DNASE1L2: variants seen among roughly 807,000 people sequenced by gnomAD.
DNASE1L2 encodes deoxyribonuclease-1-like 2.
In DNASE1L2, 35 loss-of-function variants were observed where a neutral mutation model predicts 31.8. The observed-to-expected ratio is 1.10, with a 90% CI of 0.84 to 1.46. DNASE1L2 has a LOEUF of 1.46. Among genes scored for constraint, DNASE1L2 ranks in the 40% most tolerant of loss-of-function variants. DNASE1L2 has a pLI of 0.00. For missense variants in DNASE1L2, 504 were observed against 418.8 expected (o/e 1.20, Z -1.77); for synonymous variants, 211 against 186.5 (o/e 1.13, Z -1.07).
At position 2,238,355 on chromosome 16, in the gene DNASE1L2, C is replaced by A. The variant is rs772453275; in HGVS notation, c.844-7C>A. 6.8e-6 allele frequency: 11 copies of A among 1,613,298 alleles called. No individual in the cohort carries two copies. In the South Asian group the frequency reaches 1.1e-4, roughly 16 times the overall value. Reference sequence around the variant, plus strand: ...CTTTTCCCCTGAGGCTCACTCTGTCCCCACAGGCTCTTGCCATCAGCGACC... The same window carrying A: ...CTTTTCCCCTGAGGCTCACTCTGTCACCACAGGCTCTTGCCATCAGCGACC... On this transcript the variant is annotated splice_polypyrimidine_tract_variant and splice_region_variant and intron_variant, in intron 6 of 6. Coordinates refer to ENST00000320700, the MANE Select transcript of DNASE1L2 (RefSeq NM_001374.3).
At chr16:2,237,176 C>T (rs778439495) in intron 3 of DNASE1L2, 42 bp from the exon 4 acceptor site, 7 of 1,549,720 alleles carry the variant, frequency 4.5e-6, no homozygotes, top group African/African-American at 2.7e-5. Flanking sequence ...GATCTCGCCC[C>T]GGCGCGGCGC....
Position 2,238,539 on chromosome 16 carries a change from T to TA in DNASE1L2, c.*121_*122insA, listed in dbSNP as rs2093519938. On this transcript the variant is annotated 3_prime_UTR_variant, in exon 7 of 7. Transcript: ENST00000320700. ...GCCCCAAGGCAGAGTCGGCTGGGCG[T>TA]GGACCAGGGGCCATGGACACGTGAT... 3.3e-6 allele frequency: 4 copies of TA among 1,229,242 alleles called. No individual in the cohort carries two copies. Among genetic ancestry groups the TA allele is most frequent in the Non-Finnish European group, 4.7e-6 (4 of 848,102 alleles). The allele number at this position is 1,229,242 out of a possible 1,614,324, so 76.1% of individuals were successfully genotyped here.
In DNASE1L2 at chr16:2,236,546, G is replaced by C; in HGVS notation, c.-54G>C. 16 of 1,248,646 alleles carry C rather than the reference G, an allele frequency of 1.3e-5. No homozygotes were observed. The highest frequency in any genetic ancestry group is 1.5e-5 in the Non-Finnish European group (15 of 997,564). 77.3% of individuals were successfully genotyped at this position (1,248,646 alleles called of 1,614,324 possible). A position where few individuals can be genotyped will look rare whatever the true frequency, so the allele number is the denominator to read the frequency against. Reference sequence around the variant, plus strand: ...TAGGATCTCTGAGCCTCGGGCCTCTGCACCCACATCCAAGGTGAGTCTCTC... The same window carrying C: ...TAGGATCTCTGAGCCTCGGGCCTCTCCACCCACATCCAAGGTGAGTCTCTC... On this transcript the variant is annotated 5_prime_UTR_variant, in exon 1 of 7. Coordinates refer to ENST00000320700, the MANE Select transcript of DNASE1L2 (RefSeq NM_001374.3).
intron 3 of DNASE1L2, 41 bp from the exon 4 acceptor site, chr16:2,237,177 G>T: frequency 6.5e-7 from 1 of 1,549,900 alleles, no homozygotes; most frequent in South Asian, 1.2e-5. Context: ...ATCTCGCCCC[G>T]GCGCGGCGCC....
chr16:2,236,588 G>A, intron 1 of DNASE1L2, 28 bp downstream of exon 1: 2 of 1,318,798 alleles, frequency 1.5e-6, no homozygotes, highest in Non-Finnish European at 1.9e-6. Context: ...CCTGAGCTGG[G>A]GCTGGATGGG....
In DNASE1L2 at chr16:2,238,530, G is replaced by C. The variant is rs1002232838; in HGVS notation, c.*112G>C. ...TTCAGTGAGGCCCCAAGGCAGAGTC[G>C]GCTGGGCGTGGACCAGGGGCCATGG... On this transcript the variant is annotated 3_prime_UTR_variant, in exon 7 of 7. Coordinates refer to ENST00000320700, the MANE Select transcript of DNASE1L2 (RefSeq NM_001374.3). The C allele has an allele frequency of 1.8e-5, 23 of 1,312,220 alleles. No individual in the cohort carries two copies. In the African/African-American group the frequency reaches 3.1e-4, roughly 17 times the overall value. 81.3% of individuals were successfully genotyped at this position (1,312,220 alleles called of 1,614,324 possible). A position where few individuals can be genotyped will look rare whatever the true frequency, so the allele number is the denominator to read the frequency against.
chr16:2,237,244 T>A lies in DNASE1L2; in HGVS notation c.260T>A (p.Val87Glu), dbSNP rs981575926. Residue 87 changes from valine to glutamate, a missense_variant, in exon 4 of 7, where the codon GTG becomes GAG. Physicochemically the swap from Val to Glu is moderately radical, Grantham distance 121. Coordinates refer to ENST00000320700, the MANE Select transcript of DNASE1L2 (RefSeq NM_001374.3). ...NSVSEHEYSF[V>E]SSQPLGRDQY... ...GTGTCCGAGCACGAGTACAGCTTTG[T>A]GAGCAGCCAGCCCCTGGGCCGGGAC... 3 of 1,583,810 alleles carry A rather than the reference T, an allele frequency of 1.9e-6. No individual in the cohort carries two copies. In the African/African-American group the frequency reaches 4.0e-5, roughly 21 times the overall value.
At position 2,237,278 on chromosome 16, in the gene DNASE1L2, G is replaced by A. The variant is rs2093514506; in HGVS notation, c.294G>A (p.Lys98=). 2.5e-6 allele frequency: 4 copies of A among 1,590,060 alleles called. No individual in the cohort carries two copies. The highest frequency in any genetic ancestry group is 3.4e-6 in the Non-Finnish European group (4 of 1,169,346). The change falls in exon 4 of 7, where the codon AAG becomes AAA. Residue 98 remains lysine, a synonymous_variant. Transcript: ENST00000320700. ...AGCCCCTGGGCCGGGACCAGTACAA[G>A]GAGATGTACCTGTTCGTGTACAGGT... is the stretch of plus-strand genomic sequence containing the variant. ...SSQPLGRDQY[K]EMYLFVYRKD...
At position 2,237,310 on chromosome 16, in the gene DNASE1L2, CG is replaced by C; in HGVS notation, c.317+12del. ...TACCTGTTCGTGTACAGGTGAGGGG[CG>C]GGCCGCAGGGAGGGGCGCGCGGGGC... On this transcript the variant is annotated intron_variant, in intron 4 of 6. Coordinates refer to ENST00000320700, the MANE Select transcript of DNASE1L2 (RefSeq NM_001374.3). The C allele has an allele frequency of 6.3e-7, 1 of 1,587,606 alleles. No homozygotes were observed. Among genetic ancestry groups the C allele is most frequent in the South Asian group, 1.1e-5 (1 of 87,638 alleles).
Position 2,238,392 on chromosome 16 carries a change from G to A in DNASE1L2, c.874G>A (p.Glu292Lys). 8 of 1,613,508 alleles carry A rather than the reference G, an allele frequency of 5.0e-6. No homozygotes were observed. Among genetic ancestry groups the A allele is most frequent in the Non-Finnish European group, 6.8e-6 (8 of 1,180,000 alleles). The change falls in exon 7 of 7, where the codon GAG (glutamate) becomes AAG (lysine). Residue 292 changes from glutamate (E) to lysine (K), a missense_variant. Glu to Lys is a moderately conservative substitution (Grantham distance 56, BLOSUM62 1). Coordinates refer to ENST00000320700, the MANE Select transcript of DNASE1L2 (RefSeq NM_001374.3). ...TGCCATCAGCGACCACTTTCCAGTGGAGGTGACCCTCAAGTTCCACCGATG... is the reference window on the plus strand; with the variant it reads ...TGCCATCAGCGACCACTTTCCAGTGAAGGTGACCCTCAAGTTCCACCGATG... ...ALAISDHFPVEVTLKFHR is the reference protein window; with the variant it reads ...ALAISDHFPVKVTLKFHR
At chr16:2,236,617 C>A in intron 1 of DNASE1L2, 57 bp downstream of exon 1, 8 of 1,352,252 alleles carry the variant, frequency 5.9e-6, no homozygotes, top group Non-Finnish European at 7.6e-6. Flanking sequence ...TCCATTCCGG[C>A]TGCAGCTTCC....
chr16:2,237,184 C>G, intron 3 of DNASE1L2, 34 bp from the exon 4 acceptor site: 1 of 1,550,668 alleles, frequency 6.4e-7, no homozygotes, highest in South Asian at 1.2e-5. Flanking sequence ...CCCGGCGCGG[C>G]GCCCCGACCC....
rs2093519906 is a variant in DNASE1L2, at chr16:2,238,536, G to A, written c.*118G>A. 7.9e-7 allele frequency: 1 copy of A among 1,265,184 alleles called. No homozygotes were observed. The highest frequency in any genetic ancestry group is 1.1e-6 in the Non-Finnish European group (1 of 879,392). The allele number at this position is 1,265,184 out of a possible 1,614,324, so 78.4% of individuals were successfully genotyped here. On this transcript the variant is annotated 3_prime_UTR_variant, in exon 7 of 7. Transcript: ENST00000320700. ...GAGGCCCCAAGGCAGAGTCGGCTGGGCGTGGACCAGGGGCCATGGACACGT... is the reference window on the plus strand; with the variant it reads ...GAGGCCCCAAGGCAGAGTCGGCTGGACGTGGACCAGGGGCCATGGACACGT...
At chr16:2,236,692 G>A (rs2093511826) in intron 1 of DNASE1L2, 86 bp from the exon 2 acceptor site, 1 of 1,425,416 alleles carries the variant, frequency 7.0e-7, no homozygotes, top group Admixed American at 2.9e-5. Flanking sequence ...CAGAACGCAG[G>A]GGCGGATTCC....
Position 2,236,515 on chromosome 16 carries a change from T to A in DNASE1L2, c.-85T>A, listed in dbSNP as rs2093511267. 8.4e-7 allele frequency: 1 copy of A among 1,188,470 alleles called. No homozygotes were observed. The highest frequency in any genetic ancestry group is 3.9e-5 in the South Asian group (1 of 25,702). 73.6% of individuals were successfully genotyped at this position (1,188,470 alleles called of 1,614,324 possible). On this transcript the variant is annotated 5_prime_UTR_variant, in exon 1 of 7. Transcript: ENST00000320700. ...CCGCAGCCTGGACCCGGGATCCCCATCCCCCTAGGATCTCTGAGCCTCGGG... is the reference window on the plus strand; with the variant it reads ...CCGCAGCCTGGACCCGGGATCCCCAACCCCCTAGGATCTCTGAGCCTCGGG...
intron 6 of DNASE1L2, 65 bp from the exon 7 acceptor site, chr16:2,238,297 A>C: frequency 6.2e-7 from 1 of 1,602,160 alleles, no homozygotes; most frequent in Admixed American, 1.7e-5. Context: ...CCCAGGCCTC[A>C]CCGGCCCCTC....
In DNASE1L2 at chr16:2,238,014, C is replaced by A; in HGVS notation, c.839C>A (p.Thr280Asn). ...CAGGAGGAATTCGGCCTGGACCAGACTCAGGCGAGTGGGCCGTGGGGCGGT... is the reference window on the plus strand; with the variant it reads ...CAGGAGGAATTCGGCCTGGACCAGAATCAGGCGAGTGGGCCGTGGGGCGGT... ...DFQEEFGLDQ[T>N]QALAISDHFP... Residue 280 changes from threonine (T) to asparagine (N), a missense_variant, in exon 6 of 7, where the codon ACT (threonine) becomes AAT (asparagine). Thr to Asn is a moderately conservative substitution (Grantham distance 65, BLOSUM62 0). Transcript: ENST00000320700. 1 of 1,596,502 alleles carries A rather than the reference C, an allele frequency of 6.3e-7. No individual in the cohort carries two copies. Among genetic ancestry groups the A allele is most frequent in the Non-Finnish European group, 8.5e-7 (1 of 1,173,006 alleles).
Position 2,238,445 on chromosome 16 carries a change from C to T in DNASE1L2, c.*27C>T, listed in dbSNP as rs769030883. On this transcript the variant is annotated 3_prime_UTR_variant, in exon 7 of 7. Transcript: ENST00000320700. Reference sequence around the variant, plus strand: ...TCGAGGCCTGGCTGGGGCATGCCACCTGCAGACCCTGGCTCTGAGGAATGG... The same window carrying T: ...TCGAGGCCTGGCTGGGGCATGCCACTTGCAGACCCTGGCTCTGAGGAATGG... 2.5e-6 allele frequency: 4 copies of T among 1,612,990 alleles called. No homozygotes were observed. Among genetic ancestry groups the T allele is most frequent in the East Asian group, 4.5e-5 (2 of 44,870 alleles).
rs1309558189 is a variant in DNASE1L2, at chr16:2,238,429, G to C, written c.*11G>C. ...AAGTTCCACCGATGACTCGAGGCCT[G>C]GCTGGGGCATGCCACCTGCAGACCC... On this transcript the variant is annotated 3_prime_UTR_variant, in exon 7 of 7. Coordinates refer to ENST00000320700, the MANE Select transcript of DNASE1L2 (RefSeq NM_001374.3). 1.2e-6 allele frequency: 2 copies of C among 1,613,320 alleles called. No individual in the cohort carries two copies. Among genetic ancestry groups the C allele is most frequent in the Non-Finnish European group, 1.7e-6 (2 of 1,179,994 alleles).
Sources: allele counts gnomAD v4.1 joint callset, GRCh38; gene constraint gnomAD v4.1.1; transcripts MANE v1.5; gene names NCBI Gene and HGNC (gene_info 2026-07-23, HGNC 2026-07-21).